TBC1D22B: variants seen among roughly 807,000 people sequenced by gnomAD.
The protein encoded by TBC1D22B is TBC1 domain family member 22B, also known as chromosome 6 open reading frame 197.
In TBC1D22B, 32 loss-of-function variants were observed where a neutral mutation model predicts 69.1. The ratio of observed to expected loss-of-function variants is 0.46; its 90% CI spans 0.35 to 0.62. The LOEUF is 0.62. Among genes scored for constraint, TBC1D22B ranks in the 20% least tolerant of loss-of-function variants. TBC1D22B has a pLI of 0.00. For missense variants in TBC1D22B, 462 were observed against 630.9 expected (o/e 0.73, Z 2.87); for synonymous variants, 206 against 229.8 (o/e 0.90, Z 0.94).
intron 7 of TBC1D22B, 107 bp from the exon 8 acceptor site, chr6:37,291,135 TA>T (rs1468536785): frequency 1.1e-5 from 9 of 806,606 alleles, no homozygotes. Context: ...AAAATTTTCC[TA>T]AAAATTCTAC....
At chr6:37,290,841 A>AC (rs1562051932) in intron 7 of TBC1D22B, among the ~76,000 whole-genome samples, 1 of 151,532 alleles carries the variant, frequency 6.6e-6, no homozygotes, top group African/African-American at 2.4e-5. Context: ...AAAAAAAAAA[A>AC]TTTAGAAAAA....
At chr6:37,284,292 C>T in intron 5 of TBC1D22B, 44 bp from the exon 6 acceptor site, 1 of 1,613,528 alleles carries the variant, frequency 6.2e-7, no homozygotes, top group Non-Finnish European at 8.5e-7. Context: ...AAGGATTTAT[C>T]CAACCATTGT....
At chr6:37,323,199 G>T (rs1255069932) in intron 12 of TBC1D22B, among the ~76,000 whole-genome samples, 1 of 152,106 alleles carries the variant, frequency 6.6e-6, no homozygotes, top group Non-Finnish European at 1.5e-5. Context: ...ACCATGCAGG[G>T]CACTCTGAGG....
At chr6:37,297,515 T>G (rs998508881) in intron 8 of TBC1D22B, among the ~76,000 whole-genome samples, 1 of 152,210 alleles carries the variant, frequency 6.6e-6, no homozygotes, top group African/African-American at 2.4e-5. Context: ...CTAATGAGCT[T>G]CTTGAACTCA....
chr6:37,312,085 CAGAT>C (rs1254882004), intron 8 of TBC1D22B, among the ~76,000 whole-genome samples: 2 of 152,222 alleles, frequency 1.3e-5, no homozygotes, highest in Non-Finnish European at 2.9e-5. Flanking sequence ...GAGAAGCTAA[CAGAT>C]AGTCCTTTCC....
chr6:37,268,401 T>C (rs1289005059), intron 1 of TBC1D22B, among the ~76,000 whole-genome samples: 1 of 152,092 alleles, frequency 6.6e-6, no homozygotes, highest in Non-Finnish European at 1.5e-5. Context: ...ACTAATTTTT[T>C]ATTTTCTTGT....
chr6:37,259,010 C>T (rs768530431), intron 1 of TBC1D22B, among the ~76,000 whole-genome samples: 5 of 122,308 alleles, frequency 4.1e-5, no homozygotes, highest in Admixed American at 9.8e-5. Flanking sequence ...TAGGTAAGAG[C>T]CTTAATTTTT....
rs1231993153 is a variant in TBC1D22B, at chr6:37,332,102, T to A, written c.*930T>A. 6.5e-6 allele frequency: 1 copy of A among 152,676 alleles called. No individual in the cohort carries two copies. Among genetic ancestry groups the A allele is most frequent in the African/African-American group, 2.4e-5 (1 of 41,460 alleles). 9.5% of individuals were successfully genotyped at this position (152,676 alleles called of 1,614,324 possible). On this transcript the variant is annotated 3_prime_UTR_variant, in exon 13 of 13. Coordinates refer to ENST00000373491, the MANE Select transcript of TBC1D22B (RefSeq NM_017772.4). ...AACATGTGAAAGCAATCTAGGTCAC[T>A]AGCACAGAGGAAGTTGCCAGGAAGG...
At chr6:37,324,425 G>A in intron 12 of TBC1D22B, 1 of 454,202 alleles carries the variant, frequency 2.2e-6, no homozygotes, top group Non-Finnish European at 4.4e-6. Context: ...TCTCTCAGCT[G>A]TAAGACAAAC....
At chr6:37,289,328 T>C (rs966244991) in intron 7 of TBC1D22B, among the ~76,000 whole-genome samples, 3 of 152,218 alleles carry the variant, frequency 2.0e-5, no homozygotes, top group African/African-American at 4.8e-5. Flanking sequence ...AGAAGAGACA[T>C]TGGAAGACCT....
chr6:37,287,996 C>T (rs1767059780), intron 7 of TBC1D22B, among the ~76,000 whole-genome samples: 1 of 152,202 alleles, frequency 6.6e-6, no homozygotes, highest in Non-Finnish European at 1.5e-5. Flanking sequence ...CTGTAAACTT[C>T]TTAAGATTAG....
chr6:37,302,646 A>G (rs1414652357), intron 8 of TBC1D22B, among the ~76,000 whole-genome samples: 2 of 152,222 alleles, frequency 1.3e-5, no homozygotes. Context: ...AAAACAGCAC[A>G]GTAGGATTTT....
chr6:37,266,369 G>T (rs73730562), intron 1 of TBC1D22B, among the ~76,000 whole-genome samples: 4,850 of 152,024 alleles, frequency 0.032, 244 homozygotes, highest in African/African-American at 0.11. Flanking sequence ...CTATTTTAAA[G>T]ATTTTTATAA....
chr6:37,324,024 GT>G (rs1246416843), intron 12 of TBC1D22B, among the ~76,000 whole-genome samples: 2 of 152,212 alleles, frequency 1.3e-5, no homozygotes, highest in African/African-American at 4.8e-5. Flanking sequence ...TTTTTGAAAA[GT>G]TGTATAGGGA....
chr6:37,261,674 G>A (rs1477585073), intron 1 of TBC1D22B, among the ~76,000 whole-genome samples: 1 of 152,092 alleles, frequency 6.6e-6, no homozygotes, highest in South Asian at 2.1e-4. Flanking sequence ...AAGAAGGATA[G>A]TTACGATGAT....
Position 37,300,405 on chromosome 6 carries a change from A to C in TBC1D22B, c.982+9048A>C, listed in dbSNP as rs1767529393. ...GAGATGGAATCTCACTCTGTTGCCT[A>C]GGCTGGAGTGCAATGGCACAATCTT... On this transcript the variant is annotated intron_variant, in intron 8 of 12. Coordinates refer to ENST00000373491, the MANE Select transcript of TBC1D22B (RefSeq NM_017772.4). Among the ~76,000 whole-genome samples the C allele has an allele frequency of 2.6e-5, 4 of 152,122 alleles. No individual in the cohort carries two copies. In the South Asian group the frequency reaches 8.3e-4, roughly 31 times the overall value.
chr6:37,306,290 AGT>A lies in TBC1D22B; in HGVS notation c.983-6626_983-6625del, dbSNP rs929879817. On this transcript the variant is annotated intron_variant, in intron 8 of 12. Coordinates refer to ENST00000373491, the MANE Select transcript of TBC1D22B (RefSeq NM_017772.4). The stretch of plus-strand genomic sequence containing the variant: ...TGTCCCTCATCTGACCCCAGGGATA[AGT>A]GAGAAATCGTAACAGAGGAGATGTT... Among the ~76,000 whole-genome samples the A allele has an allele frequency of 1.4e-4, 21 of 152,172 alleles. 1 individual carries two copies. Among genetic ancestry groups the A allele is most frequent in the Non-Finnish European group, 1.5e-5 (1 of 68,020 alleles).
intron 5 of TBC1D22B, 76 bp from the exon 6 acceptor site, chr6:37,284,260 T>C (rs1583544030): frequency 6.2e-7 from 1 of 1,606,774 alleles, no homozygotes; most frequent in South Asian, 1.1e-5. Context: ...TCCAAACCAC[T>C]GCATAGATTA....
At chr6:37,296,798 A>C (rs1185534934) in intron 8 of TBC1D22B, among the ~76,000 whole-genome samples, 2 of 151,042 alleles carry the variant, frequency 1.3e-5, no homozygotes, top group Admixed American at 1.3e-4. Flanking sequence ...ACACATACAC[A>C]CACGTGCACA....
Sources: allele counts gnomAD v4.1 joint callset (sites outside exome capture counted in the v4.1 genomes callset), GRCh38; gene constraint gnomAD v4.1.1; transcripts MANE v1.5; gene names NCBI Gene and HGNC (gene_info 2026-07-23, HGNC 2026-07-21).